Variants in CFAP69 observed in about 807,000 individuals in gnomAD.
CFAP69 encodes the protein cilia- and flagella-associated protein 69.
In CFAP69, 92 loss-of-function variants were observed where a neutral mutation model predicts 123.0. The ratio of observed to expected loss-of-function variants is 0.75; its 90% CI spans 0.63 to 0.89. The LOEUF is 0.89. Among genes scored for constraint, CFAP69 ranks in the 40% least tolerant of loss-of-function variants. The probability of loss-of-function intolerance (pLI) is 0.00; values close to 1 mark genes in which losing one functional copy is unlikely to be tolerated. For synonymous variants in CFAP69, 380 were observed against 364.3 expected (o/e 1.04, Z -0.49); for missense variants, 1,067 against 1,096.9 (o/e 0.97, Z 0.39).
intron 9 of CFAP69, among the ~76,000 whole-genome samples, chr7:90,274,760 G>C (rs949982678): frequency 6.6e-6 from 1 of 152,034 alleles, no homozygotes; most frequent in Non-Finnish European, 1.5e-5. Context: ...CTCTATCTTT[G>C]GTTCCTAGCA....
rs559280648 is a variant in CFAP69, at chr7:90,288,665, T to TA, written c.1775+322dup. Among the ~76,000 whole-genome samples, 73 of 151,628 alleles carry TA rather than the reference T, an allele frequency of 4.8e-4. 1 individual carries two copies. Among genetic ancestry groups the TA allele is most frequent in the African/African-American group, 1.5e-3 (63 of 41,386 alleles). On this transcript the variant is annotated intron_variant, in intron 15 of 22. Coordinates refer to ENST00000389297, the MANE Select transcript of CFAP69 (RefSeq NM_001039706.3). ...TACAGTAAGACTACAGAATAAAAGA[T>TA]AAAAAAAAATTCTTAACGCTTGTAT...
At chr7:90,262,788 A>G (rs937419750) in intron 4 of CFAP69, among the ~76,000 whole-genome samples, 2 of 151,976 alleles carry the variant, frequency 1.3e-5, no homozygotes, top group Admixed American at 1.3e-4. Flanking sequence ...TATACAAATA[A>G]TATATAAATA....
chr7:90,255,450 C>T lies in CFAP69; in HGVS notation c.148C>T (p.Arg50Cys), dbSNP rs375665829. The T allele has an allele frequency of 1.2e-5, 20 of 1,612,586 alleles. No homozygotes were observed. Among genetic ancestry groups the T allele is most frequent in the South Asian group, 1.1e-4 (10 of 91,010 alleles). ...QDVFKPMDLNRVIKLLEETDK... is the reference protein window; with the variant it reads ...QDVFKPMDLNCVIKLLEETDK... Reference sequence around the variant, plus strand: ...TGTTTTCAAGCCTATGGACCTTAATCGTGTCATCAAACTCCTCGAAGAGAC... The same window carrying T: ...TGTTTTCAAGCCTATGGACCTTAATTGTGTCATCAAACTCCTCGAAGAGAC... The change falls in exon 2 of 23, where the codon CGT becomes TGT. Residue 50 changes from arginine to cysteine, a missense_variant. Arg to Cys is a radical substitution (Grantham distance 180). Coordinates refer to ENST00000389297, the MANE Select transcript of CFAP69 (RefSeq NM_001039706.3).
intron 1 of CFAP69, among the ~76,000 whole-genome samples, chr7:90,245,828 G>A (rs1470063364): frequency 6.6e-6 from 1 of 152,166 alleles, no homozygotes; most frequent in Non-Finnish European, 1.5e-5. Flanking sequence ...GTTTTGCCGC[G>A]CTTCTTCGAA....
chr7:90,254,473 G>A (rs1051211294), intron 1 of CFAP69, among the ~76,000 whole-genome samples: 44 of 152,242 alleles, frequency 2.9e-4, no homozygotes, highest in African/African-American at 8.7e-4. Context: ...GTTGGATGCC[G>A]GGAGTGCCTG....
intron 1 of CFAP69, among the ~76,000 whole-genome samples, chr7:90,248,875 G>A (rs1356616375): frequency 1.3e-5 from 2 of 152,118 alleles, no homozygotes; most frequent in African/African-American, 4.8e-5. Flanking sequence ...TTCCTCATCT[G>A]TAAAAGATAT....
At chr7:90,288,016 G>T (rs925420127) in intron 14 of CFAP69, among the ~76,000 whole-genome samples, 5 of 152,004 alleles carry the variant, frequency 3.3e-5, no homozygotes, top group Non-Finnish European at 7.4e-5. Flanking sequence ...CATGTTGATT[G>T]ATGCCCCCTC....
chr7:90,283,602 C>T (rs1789813276), intron 13 of CFAP69, among the ~76,000 whole-genome samples: 1 of 152,144 alleles, frequency 6.6e-6, no homozygotes, highest in African/African-American at 2.4e-5. Flanking sequence ...CAATTAGACA[C>T]TTAATGAGTA....
chr7:90,279,782 C>T lies in CFAP69; in HGVS notation c.1261C>T (p.Leu421=), dbSNP rs183657924. Residue 421 remains leucine, a synonymous_variant, in exon 12 of 23, where the codon CTG becomes TTG. Coordinates refer to ENST00000389297, the MANE Select transcript of CFAP69 (RefSeq NM_001039706.3). ...TGCAGCACAGCATGAAGAATTACAA[C>T]TGCATGCAATTGCCACTTTGTCATC... is the stretch of plus-strand genomic sequence containing the variant. ...WSAAQHEELQ[L]HAIATLSSVA... 9,151 of 1,613,246 alleles carry T rather than the reference C, an allele frequency of 5.7e-3. 53 individuals are homozygous for T. The highest frequency in any genetic ancestry group is 5.8e-3 in the Non-Finnish European group (6,834 of 1,179,732).
chr7:90,263,048 A>G (rs762820658), intron 4 of CFAP69, among the ~76,000 whole-genome samples: 21 of 152,150 alleles, frequency 1.4e-4, no homozygotes, highest in Admixed American at 2.6e-4. Flanking sequence ...ACATACGATT[A>G]TATAATGTAA....
At position 90,268,389 on chromosome 7, in the gene CFAP69, A is replaced by T. The variant is rs17863057; in HGVS notation, c.532+5A>T. 2.5e-6 allele frequency: 4 copies of T among 1,590,508 alleles called. No individual in the cohort carries two copies. In the African/African-American group the frequency reaches 5.4e-5, roughly 21 times the overall value. On this transcript the variant is annotated splice_donor_5th_base_variant and intron_variant, in intron 6 of 22. Transcript: ENST00000389297. ...CACCAAAGAAGCATATTCCAGGTGA[A>T]GTTTACAATGGTCTTTCAGTGATAA... is the stretch of plus-strand genomic sequence containing the variant.
intron 5 of CFAP69, 106 bp downstream of exon 5, chr7:90,265,483 T>A: frequency 1.5e-6 from 1 of 687,590 alleles, no homozygotes; most frequent in Admixed American, 2.4e-5. Flanking sequence ...TCCTTCTCCA[T>A]GTCTAGGATC....
At position 90,279,670 on chromosome 7, in the gene CFAP69, C is replaced by T; in HGVS notation, c.1156-7C>T. On this transcript the variant is annotated splice_region_variant and splice_polypyrimidine_tract_variant and intron_variant, in intron 11 of 22. Transcript: ENST00000389297. ...TCTAACAAAGTATCCTTTGTTCTTT[C>T]TCACAGCTATTAATTGATGGCAAAG... 8 of 1,570,774 alleles carry T rather than the reference C, an allele frequency of 5.1e-6. No homozygotes were observed. Among genetic ancestry groups the T allele is most frequent in the Non-Finnish European group, 6.0e-6 (7 of 1,158,286 alleles).
chr7:90,303,693 A>C, intron 17 of CFAP69: 1 of 996,482 alleles, frequency 1.0e-6, no homozygotes, highest in South Asian at 4.6e-5. Context: ...TTTTTAAATT[A>C]TTTACATAGA....
Position 90,296,695 on chromosome 7 carries a change from G to A in CFAP69, c.1776-1054G>A, listed in dbSNP as rs372059350. Among the ~76,000 whole-genome samples, 9 of 152,204 alleles carry A rather than the reference G, an allele frequency of 5.9e-5. No homozygotes were observed. The South Asian group carries it at 8.3e-4, about 14-fold the overall frequency. ...GTTGGGCTACAGCTTGGTTTTATAC[G>A]TTTTGTGGAGATATAAGACATCAGT... On this transcript the variant is annotated intron_variant, in intron 15 of 22. Transcript: ENST00000389297.
chr7:90,247,195 C>A (rs555656242), intron 1 of CFAP69, among the ~76,000 whole-genome samples: 1 of 152,222 alleles, frequency 6.6e-6, no homozygotes, highest in South Asian at 2.1e-4. Flanking sequence ...AAATGAGAAC[C>A]CTAAGTTCAT....
the CFAP69 span, among the ~76,000 whole-genome samples, chr7:90,323,293 T>C: frequency 6.6e-6 from 1 of 152,254 alleles, no homozygotes; most frequent in Admixed American, 6.5e-5. Context: ...AAATCATCAT[T>C]GGGTGATCAA....
At chr7:90,303,835 G>A (rs1205174584) in intron 17 of CFAP69, 134 bp from the exon 18 acceptor site, 1 of 1,291,532 alleles carries the variant, frequency 7.7e-7, no homozygotes, top group Non-Finnish European at 9.9e-7. Context: ...GTGTAACCGT[G>A]TAATAGGCAC....
chr7:90,306,817 C>A, intron 19 of CFAP69, 84 bp from the exon 20 acceptor site: 1 of 811,570 alleles, frequency 1.2e-6, no homozygotes, highest in Non-Finnish European at 2.0e-6. Context: ...ACAGGAGTGA[C>A]TAACCATATA....
Sources: gnomAD v4.1 joint callset for allele counts (sites outside exome capture counted in the v4.1 genomes callset) on GRCh38, gnomAD v4.1.1 for gene constraint, MANE v1.5 for transcripts, NCBI Gene and HGNC (gene_info 2026-07-23, HGNC 2026-07-21) for gene names.